The following DOCK9 variants were observed in gnomAD, a reference collection of about 807,000 sequenced individuals.
The protein encoded by DOCK9 is dedicator of cytokinesis protein 9.
A neutral mutation model predicts 263.3 loss-of-function variants in DOCK9; 89 were observed. That is an observed-to-expected ratio of 0.34 (90% CI 0.28 to 0.40). The LOEUF is 0.40. Among genes scored for constraint, DOCK9 ranks in the 10% least tolerant of loss-of-function variants. The probability of loss-of-function intolerance (pLI) is 1.00; values close to 1 mark genes in which losing one functional copy is unlikely to be tolerated. For missense variants in DOCK9, 2,140 were observed against 2,603.4 expected, an observed-to-expected ratio of 0.82 and a Z score of 3.87; for synonymous variants, 976 against 973.1, an observed-to-expected ratio of 1.00 and a Z score of -0.06.
At chr13:98,907,038 G>T (rs553130323) in intron 9 of DOCK9, among the ~76,000 whole-genome samples, 1 of 152,280 alleles carries the variant, frequency 6.6e-6, no homozygotes, top group African/African-American at 2.4e-5. Flanking sequence ...TGTCTGTGGT[G>T]GAGGCAGGCG....
In DOCK9 at chr13:98,797,340, A is replaced by C. The variant is rs140023082; in HGVS notation, c.6017+49T>G. 7.6e-5 allele frequency: 122 copies of C among 1,608,054 alleles called. 1 individual carries two copies. The Admixed American group carries it at 2.0e-3, about 27-fold the overall frequency. ...CAGCATCTCCTTCCCGAATGAGTACAGAAATGATCAATACTCGAAGAGAAA... is the reference window on the plus strand; with the variant it reads ...CAGCATCTCCTTCCCGAATGAGTACCGAAATGATCAATACTCGAAGAGAAA... On this transcript the variant is annotated intron_variant, in intron 51 of 52. Transcript: ENST00000682017.
At chr13:98,944,927 T>C (rs558328344) in intron 2 of DOCK9, among the ~76,000 whole-genome samples, 10 of 152,242 alleles carry the variant, frequency 6.6e-5, no homozygotes, top group African/African-American at 9.6e-5. Context: ...AGTTTTCATC[T>C]TTAACACTTC....
At chr13:98,941,886 C>T (rs1417801649) in intron 2 of DOCK9, among the ~76,000 whole-genome samples, 1 of 152,244 alleles carries the variant, frequency 6.6e-6, no homozygotes, top group Admixed American at 6.5e-5. Context: ...CAAGGGCGTG[C>T]AGAGCTCTCC....
In DOCK9 at chr13:98,898,159, G is replaced by A. The variant is rs1446649385; in HGVS notation, c.1586+20C>T. On this transcript the variant is annotated intron_variant, in intron 14 of 52. Coordinates refer to ENST00000682017, the MANE Select transcript of DOCK9 (RefSeq NM_001366683.2). ...GCACCTATCTATATCGATTTAAAAG[G>A]TATAAAAGGTGTTCCTTACCTTGCT... is the stretch of plus-strand genomic sequence containing the variant. 1.3e-5 allele frequency: 20 copies of A among 1,578,372 alleles called. No individual in the cohort carries two copies. Among genetic ancestry groups the A allele is most frequent in the South Asian group, 2.3e-5 (2 of 88,336 alleles).
intron 1 of DOCK9, among the ~76,000 whole-genome samples, chr13:99,032,138 C>T (rs1887404906): frequency 6.6e-6 from 1 of 152,112 alleles, no homozygotes; most frequent in Non-Finnish European, 1.5e-5. Flanking sequence ...TGCTAAGTGG[C>T]TTCAGTCCAA....
chr13:99,015,843 C>T, intron 1 of DOCK9: 2 of 1,172,338 alleles, frequency 1.7e-6, no homozygotes, highest in Non-Finnish European at 2.1e-6. Context: ...CACAAGATGA[C>T]ACACCTCGGA....
intron 2 of DOCK9, among the ~76,000 whole-genome samples, chr13:98,942,124 T>A (rs150395405): frequency 6.6e-6 from 1 of 152,214 alleles, no homozygotes; most frequent in African/African-American, 2.4e-5. Context: ...ACCAACTCTT[T>A]CATGTGCATT....
At chr13:99,027,949 A>G (rs1481466525) in intron 1 of DOCK9, among the ~76,000 whole-genome samples, 3 of 152,252 alleles carry the variant, frequency 2.0e-5, no homozygotes, top group Non-Finnish European at 2.9e-5. Context: ...GTAAGGCAAC[A>G]TTCTGAAAGA....
In DOCK9 at chr13:98,848,574, G is replaced by A. The variant is rs755738310; in HGVS notation, c.4061+18C>T. 6.2e-7 allele frequency: 1 copy of A among 1,608,710 alleles called. No individual in the cohort carries two copies. Among genetic ancestry groups the A allele is most frequent in the Non-Finnish European group, 8.5e-7 (1 of 1,177,796 alleles). ...TCACAGAAAACAACACGTTTCGAAT[G>A]AAAACGCCCCACAGTACCTGGCTAT... On this transcript the variant is annotated intron_variant, in intron 37 of 52. Coordinates refer to ENST00000682017, the MANE Select transcript of DOCK9 (RefSeq NM_001366683.2).
At chr13:99,023,189 T>C (rs571061965) in intron 1 of DOCK9, among the ~76,000 whole-genome samples, 3 of 152,192 alleles carry the variant, frequency 2.0e-5, no homozygotes, top group Admixed American at 6.5e-5. Flanking sequence ...TTATTCACAA[T>C]AGTCAGCGTT....
chr13:99,018,687 T>C (rs755090090), intron 1 of DOCK9, among the ~76,000 whole-genome samples: 1 of 152,250 alleles, frequency 6.6e-6, no homozygotes, highest in African/African-American at 2.4e-5. Flanking sequence ...TTGGTTTCAC[T>C]GACTTTTCTG....
At chr13:98,956,237 G>A (rs1028048592) in intron 1 of DOCK9, among the ~76,000 whole-genome samples, 41 of 152,286 alleles carry the variant, frequency 2.7e-4, no homozygotes, top group African/African-American at 8.2e-4. Flanking sequence ...CGAGTAAGTA[G>A]GGAAGAAGAG....
At chr13:98,905,578 G>A (rs2048960578) in intron 9 of DOCK9, among the ~76,000 whole-genome samples, 1 of 151,950 alleles carries the variant, frequency 6.6e-6, no homozygotes. Context: ...TAACTGAAAG[G>A]CAGGGCATGA....
intron 20 of DOCK9, 99 bp downstream of exon 20, chr13:98,885,609 G>C: frequency 7.7e-7 from 1 of 1,290,838 alleles, no homozygotes; most frequent in South Asian, 1.7e-5. Context: ...TTCATTTAAA[G>C]ATCCCTTTGC....
intron 20 of DOCK9, chr13:98,885,419 CA>C: frequency 1.9e-6 from 1 of 529,832 alleles, no homozygotes; most frequent in East Asian, 4.3e-5. Context: ...GCCTGGGCAA[CA>C]TGGCGAAATC....
At chr13:99,029,674 A>C (rs1468518068) in intron 1 of DOCK9, among the ~76,000 whole-genome samples, 1 of 152,238 alleles carries the variant, frequency 6.6e-6, no homozygotes. Context: ...AAAAAGACTG[A>C]CATAGTGAGT....
At chr13:99,002,416 A>G (rs1882525298) in intron 1 of DOCK9, among the ~76,000 whole-genome samples, 1 of 152,116 alleles carries the variant, frequency 6.6e-6, no homozygotes, top group Non-Finnish European at 1.5e-5. Flanking sequence ...GCATCACAGA[A>G]CACACTACTC....
chr13:98,865,566 C>T (rs1034634180), intron 30 of DOCK9, among the ~76,000 whole-genome samples: 4 of 152,170 alleles, frequency 2.6e-5, no homozygotes, highest in African/African-American at 9.7e-5. Flanking sequence ...GAGCGAAGCC[C>T]GTCTTGCTAC....
intron 9 of DOCK9, among the ~76,000 whole-genome samples, chr13:98,910,699 T>C (rs571530219): frequency 2.0e-5 from 3 of 152,260 alleles, no homozygotes; most frequent in African/African-American, 7.2e-5. Context: ...AATTACACCT[T>C]CAGCCACCTT....
Sources: allele counts gnomAD v4.1 joint callset (sites outside exome capture counted in the v4.1 genomes callset), GRCh38; gene constraint gnomAD v4.1.1; transcripts MANE v1.5; gene names NCBI Gene and HGNC (gene_info 2026-07-23, HGNC 2026-07-21).